Variants in R3HDM2 observed in about 807,000 individuals in gnomAD.
R3HDM2 encodes the protein R3H domain-containing protein 2.
R3HDM2 carries 38 observed loss-of-function variants against 124.5 expected under a neutral mutation model. That is an observed-to-expected ratio of 0.31 (90% confidence interval 0.24 to 0.40). The LOEUF (loss-of-function observed/expected upper bound fraction) is 0.40, where lower values mean the gene tolerates loss of function less well. Ranked by LOEUF, R3HDM2 falls within the 10% of genes least tolerant of loss-of-function variation. R3HDM2 has a pLI of 1.00. For missense variants in R3HDM2, 869 were observed against 1,236.9 expected, an observed-to-expected ratio of 0.70 and a Z score of 4.46; for synonymous variants, 391 against 448.0, an observed-to-expected ratio of 0.87 and a Z score of 1.61.
chr12:57,379,187 A>G (rs1412171973), intron 2 of R3HDM2, among the ~76,000 whole-genome samples: 1 of 152,204 alleles, frequency 6.6e-6, no homozygotes, highest in Non-Finnish European at 1.5e-5. Flanking sequence ...TGTATTTAAT[A>G]CCACTGAACT....
intron 2 of R3HDM2, among the ~76,000 whole-genome samples, chr12:57,336,389 C>T (rs1002100307): frequency 2.0e-5 from 3 of 152,094 alleles, no homozygotes; most frequent in East Asian, 1.9e-4. Context: ...ATAGCAAAGA[C>T]GTGGTCGATT....
intron 14 of R3HDM2, among the ~76,000 whole-genome samples, chr12:57,275,081 A>G (rs907739773): frequency 1.3e-5 from 2 of 152,250 alleles, no homozygotes; most frequent in African/African-American, 4.8e-5. Context: ...CTATAAGGTT[A>G]TAGTGACCAA....
intron 4 of R3HDM2, among the ~76,000 whole-genome samples, chr12:57,302,469 C>A (rs927571576): frequency 1.3e-5 from 2 of 151,344 alleles, no homozygotes; most frequent in East Asian, 2.0e-4. Flanking sequence ...AGTTCGAGAC[C>A]AGCCTGACCA....
intron 2 of R3HDM2, among the ~76,000 whole-genome samples, chr12:57,367,096 G>A (rs2137803611): frequency 6.6e-6 from 1 of 152,224 alleles, no homozygotes; most frequent in East Asian, 1.9e-4. Flanking sequence ...GAGCTAATTT[G>A]GTATCACTAC....
intron 1 of R3HDM2, among the ~76,000 whole-genome samples, chr12:57,421,941 C>A (rs2070245796): frequency 6.6e-6 from 1 of 151,824 alleles, no homozygotes; most frequent in Non-Finnish European, 1.5e-5. Context: ...ACTAAAAATA[C>A]AAAAATTAGC....
chr12:57,284,578 T>C (rs750203689), intron 12 of R3HDM2, among the ~76,000 whole-genome samples: 2 of 151,976 alleles, frequency 1.3e-5, no homozygotes, highest in Admixed American at 6.6e-5. Flanking sequence ...CTTCCAGGAG[T>C]TGCAAGAAGA....
intron 14 of R3HDM2, among the ~76,000 whole-genome samples, chr12:57,273,008 G>A (rs1431918888): frequency 6.6e-6 from 1 of 152,152 alleles, no homozygotes; most frequent in Non-Finnish European, 1.5e-5. Context: ...CTGCTGCACT[G>A]CTTCTGCAGG....
intron 3 of R3HDM2, among the ~76,000 whole-genome samples, chr12:57,306,173 T>A (rs947879668): frequency 6.6e-6 from 1 of 152,184 alleles, no homozygotes; most frequent in African/African-American, 2.4e-5. Flanking sequence ...AATCAGATAA[T>A]GCTGATGCAT....
At chr12:57,316,813 G>C (rs1421761691) in intron 2 of R3HDM2, among the ~76,000 whole-genome samples, 1 of 150,476 alleles carries the variant, frequency 6.6e-6, no homozygotes, top group African/African-American at 2.4e-5. Context: ...GCAGTGGTGT[G>C]ATCTTGACTC....
intron 13 of R3HDM2, among the ~76,000 whole-genome samples, chr12:57,282,489 A>G (rs1021478503): frequency 6.6e-6 from 1 of 152,048 alleles, no homozygotes; most frequent in African/African-American, 2.4e-5. Context: ...TAGATTGGCA[A>G]ACTGGCTCTA....
chr12:57,335,098 G>A (rs2058682487), intron 2 of R3HDM2, among the ~76,000 whole-genome samples: 1 of 151,150 alleles, frequency 6.6e-6, no homozygotes, highest in Non-Finnish European at 1.5e-5. Flanking sequence ...GCTATGATTG[G>A]GCCATTGCAC....
chr12:57,318,485 C>T (rs1416871246), intron 2 of R3HDM2, among the ~76,000 whole-genome samples: 1 of 151,860 alleles, frequency 6.6e-6, no homozygotes, highest in Non-Finnish European at 1.5e-5. Flanking sequence ...CCCATCTCTA[C>T]TAATAGTACA....
intron 2 of R3HDM2, among the ~76,000 whole-genome samples, chr12:57,342,406 G>GGCCCA (rs1392964514): frequency 6.6e-6 from 1 of 151,856 alleles, no homozygotes; most frequent in Non-Finnish European, 1.5e-5. Flanking sequence ...AGCCGACCAT[G>GGCCCA]GCCCAGCTGT....
intron 2 of R3HDM2, among the ~76,000 whole-genome samples, chr12:57,373,223 G>A (rs774897996): frequency 5.9e-5 from 9 of 152,084 alleles, no homozygotes; most frequent in East Asian, 1.9e-4. Flanking sequence ...ATAACAAGCC[G>A]GGCGCGGTGG....
intron 2 of R3HDM2, among the ~76,000 whole-genome samples, chr12:57,390,484 G>A (rs2066503751): frequency 6.6e-6 from 1 of 152,066 alleles, no homozygotes; most frequent in South Asian, 2.1e-4. Flanking sequence ...GATCACTGGA[G>A]CTCAGGAGTT....
intron 2 of R3HDM2, among the ~76,000 whole-genome samples, chr12:57,394,277 A>T (rs1409070729): frequency 6.6e-6 from 1 of 151,794 alleles, no homozygotes; most frequent in African/African-American, 2.4e-5. Context: ...AGCCTGGGTG[A>T]CAGAGCAAGA....
chr12:57,288,163 G>A (rs897786099), intron 12 of R3HDM2, among the ~76,000 whole-genome samples: 4 of 151,322 alleles, frequency 2.6e-5, no homozygotes, highest in African/African-American at 9.7e-5. Context: ...CCACCACCAC[G>A]CCTGGCTAAT....
chr12:57,263,949 T>G (rs1435784245), intron 19 of R3HDM2, among the ~76,000 whole-genome samples: 1 of 152,158 alleles, frequency 6.6e-6, no homozygotes, highest in Non-Finnish European at 1.5e-5. Context: ...AAGAGGGCAC[T>G]CTGACATTCC....
At chr12:57,306,401 T>C (rs2052573062) in intron 3 of R3HDM2, among the ~76,000 whole-genome samples, 1 of 109,574 alleles carries the variant, frequency 9.1e-6, no homozygotes, top group Non-Finnish European at 1.8e-5. Flanking sequence ...TAAGAGGTCT[T>C]ACCAAGTTGG....
Sources: gnomAD v4.1 joint callset for allele counts (sites outside exome capture counted in the v4.1 genomes callset) on GRCh38, gnomAD v4.1.1 for gene constraint, MANE v1.5 for transcripts, NCBI Gene and HGNC (gene_info 2026-07-23, HGNC 2026-07-21) for gene names.